Variants in IFT172 observed in about 807,000 individuals in gnomAD.
IFT172 encodes intraflagellar transport protein 172 homolog.
In IFT172, 164 loss-of-function variants were observed where a neutral mutation model predicts 248.9. The ratio of observed to expected loss-of-function variants is 0.66; its 90% CI spans 0.58 to 0.75. IFT172 has a LOEUF of 0.75. IFT172 is among the 30% of genes least tolerant of loss of function. The probability of loss-of-function intolerance (pLI) is 0.00; values close to 1 mark genes in which losing one functional copy is unlikely to be tolerated. For synonymous variants in IFT172, 729 were observed against 791.6 expected (o/e 0.92, Z 1.33); for missense variants, 1,950 against 2,192.4 (o/e 0.89, Z 2.21).
chr2:27,451,336 G>T (rs1463726971), intron 35 of IFT172, among the ~76,000 whole-genome samples: 1 of 152,216 alleles, frequency 6.6e-6, no homozygotes, highest in South Asian at 2.1e-4. Flanking sequence ...GTACAGTCAT[G>T]CCATGCTCCC....
chr2:27,459,841 A>C lies in IFT172; in HGVS notation c.2522-12T>G. 1 of 1,609,160 alleles carries C rather than the reference A, an allele frequency of 6.2e-7. No individual in the cohort carries two copies. The highest frequency in any genetic ancestry group is 8.5e-7 in the Non-Finnish European group (1 of 1,179,952). ...AGCCAGCTCTACCGCTGCCAGGGAG[A>C]GAAAAGATGCTCAGCCCAGATTTCC... On this transcript the variant is annotated splice_polypyrimidine_tract_variant and intron_variant, in intron 23 of 47. Coordinates refer to ENST00000260570, the MANE Select transcript of IFT172 (RefSeq NM_015662.3).
chr2:27,453,949 C>T (rs756197187), intron 33 of IFT172, 33 bp downstream of exon 33: 38 of 1,582,474 alleles, frequency 2.4e-5, no homozygotes, highest in Admixed American at 5.9e-5. Flanking sequence ...AAACTCTCCC[C>T]CTCCCCTCAT....
At chr2:27,451,502 G>A (rs747954447) in intron 35 of IFT172, among the ~76,000 whole-genome samples, 2 of 152,154 alleles carry the variant, frequency 1.3e-5, no homozygotes, top group African/African-American at 2.4e-5. Flanking sequence ...GGTGGCTCAC[G>A]CCTGTAATCC....
chr2:27,449,371 C>T lies in IFT172; in HGVS notation c.4234G>A (p.Val1412Met). ...NQGKVDSLVG[V>M]DVIAALDLYV... The stretch of plus-strand genomic sequence containing the variant: ...AGGTCCAAAGCAGCTATCACATCCA[C>T]ACCCACCAGCTGGGTCAATGGAAGA... The change falls in exon 39 of 48, where the codon GTG (valine) becomes ATG (methionine). Residue 1412 changes from valine (V) to methionine (M), a missense_variant. Physicochemically the swap from Val to Met is conservative, Grantham distance 21. Around this residue, in one of 3 missense-constraint regions of IFT172, gnomAD observed 620 missense variants for 699.0 expected, o/e 0.89. Coordinates refer to ENST00000260570, the MANE Select transcript of IFT172 (RefSeq NM_015662.3). The T allele has an allele frequency of 6.2e-7, 1 of 1,614,184 alleles. No homozygotes were observed.
intron 1 of IFT172, among the ~76,000 whole-genome samples, chr2:27,487,008 T>C (rs1270322393): frequency 6.6e-6 from 1 of 151,988 alleles, no homozygotes; most frequent in African/African-American, 2.4e-5. Flanking sequence ...AGTGTCACAA[T>C]CTCAGTTCAC....
chr2:27,453,431 C>CT lies in IFT172; in HGVS notation c.3903dup (p.Val1302SerfsTer19). The stretch of plus-strand genomic sequence containing the variant: ...AGGCCGCTGTTTCCAGAGTCTCGCA[C>CT]TTTGAGGTAGCAGTCCACGGCACGG... On this transcript the variant is annotated frameshift_variant, in exon 35 of 48. Transcript: ENST00000260570. LOFTEE classifies it high-confidence loss of function. 6.2e-7 allele frequency: 1 copy of CT among 1,614,220 alleles called. No homozygotes were observed. The highest frequency in any genetic ancestry group is 8.5e-7 in the Non-Finnish European group (1 of 1,180,036).
chr2:27,445,424 T>C lies in IFT172; in HGVS notation c.4940A>G (p.Asp1647Gly). 3.7e-6 allele frequency: 6 copies of C among 1,611,742 alleles called. No individual in the cohort carries two copies. Among genetic ancestry groups the C allele is most frequent in the Non-Finnish European group, 5.1e-6 (6 of 1,179,094 alleles). ...GTCCATGGAGACTGTAAGCACCCAGTCTCGAACCTCTTCTCTCTCAGCCTC... is the reference window on the plus strand; with the variant it reads ...GTCCATGGAGACTGTAAGCACCCAGCCTCGAACCTCTTCTCTCTCAGCCTC... Reference protein sequence around the residue: ...VPEAEREEVRDWVLTVSMDQR... With the variant: ...VPEAEREEVRGWVLTVSMDQR... Residue 1647 changes from aspartate (D) to glycine (G), a missense_variant, in exon 46 of 48, where the codon GAC becomes GGC. Physicochemically the swap from Asp to Gly is moderately conservative, Grantham distance 94. Coordinates refer to ENST00000260570, the MANE Select transcript of IFT172 (RefSeq NM_015662.3). This position sits in a 1 kb window ranked among gnomAD's most constrained non-coding sequence, Gnocchi z 4.4.
rs777376204 is a variant in IFT172, at chr2:27,445,690, C to T, written c.4914+55G>A. 3.8e-5 allele frequency: 60 copies of T among 1,589,864 alleles called. No homozygotes were observed. Among genetic ancestry groups the T allele is most frequent in the Non-Finnish European group, 4.9e-5 (57 of 1,159,102 alleles). Reference sequence around the variant, plus strand: ...ATGGCAGCACAAAGATATTCTCCCTCCTCAAGGCACTCACACTGGTGAGGC... The same window carrying T: ...ATGGCAGCACAAAGATATTCTCCCTTCTCAAGGCACTCACACTGGTGAGGC... On this transcript the variant is annotated intron_variant, in intron 45 of 47. Coordinates refer to ENST00000260570, the MANE Select transcript of IFT172 (RefSeq NM_015662.3). The surrounding 1 kb of genome is among the most constrained non-coding windows in gnomAD (Gnocchi z 4.4).
At chr2:27,476,417 G>A (rs1667956048) in intron 14 of IFT172, among the ~76,000 whole-genome samples, 1 of 152,164 alleles carries the variant, frequency 6.6e-6, no homozygotes, top group South Asian at 2.1e-4. Context: ...ACAAGCATGA[G>A]TAACTGTGCC....
rs756783233 is a variant in IFT172, at chr2:27,453,343, C to T, written c.3951+41G>A. ...AAGCAGAGCCAAGTGTGAATAGAGG[C>T]CTAGGGAGAAGGAGGGCCAGAAAGG... On this transcript the variant is annotated intron_variant, in intron 35 of 47. Coordinates refer to ENST00000260570, the MANE Select transcript of IFT172 (RefSeq NM_015662.3). 7.4e-6 allele frequency: 12 copies of T among 1,613,032 alleles called. No homozygotes were observed. The African/African-American group carries it at 1.1e-4, about 14-fold the overall frequency.
chr2:27,489,600 C>T lies in IFT172; in HGVS notation c.39+15G>A, dbSNP rs1384351607. The T allele has an allele frequency of 1.9e-6, 3 of 1,604,196 alleles. No individual in the cohort carries two copies. The highest frequency in any genetic ancestry group is 1.7e-5 in the Admixed American group (1 of 59,826). ...ATAAAGCATAAGGGGGAGGGACTGG[C>T]ACGCAATTCCTCACCTGAGGGCTCA... On this transcript the variant is annotated intron_variant, in intron 1 of 47. Coordinates refer to ENST00000260570, the MANE Select transcript of IFT172 (RefSeq NM_015662.3).
intron 30 of IFT172, among the ~76,000 whole-genome samples, chr2:27,456,048 C>A (rs979942571): frequency 1.3e-5 from 2 of 151,870 alleles, no homozygotes; most frequent in Admixed American, 1.3e-4. Flanking sequence ...CCCATCCCTA[C>A]TAAAAATACA....
chr2:27,457,379 G>A (rs1192124645), intron 29 of IFT172, among the ~76,000 whole-genome samples: 2 of 152,104 alleles, frequency 1.3e-5, no homozygotes, highest in Non-Finnish European at 2.9e-5. Flanking sequence ...AGACCAGCTT[G>A]GGCAACATGG....
intron 1 of IFT172, among the ~76,000 whole-genome samples, chr2:27,486,811 A>G (rs1353454019): frequency 1.3e-5 from 2 of 152,128 alleles, no homozygotes; most frequent in African/African-American, 4.8e-5. Context: ...TTCATTTCCA[A>G]TTTTTCCATT....
chr2:27,468,971 C>T (rs899243256), intron 16 of IFT172, among the ~76,000 whole-genome samples: 2 of 151,898 alleles, frequency 1.3e-5, no homozygotes, highest in Non-Finnish European at 2.9e-5. Flanking sequence ...ACAACATTTA[C>T]AAATTAAGAA....
At chr2:27,451,284 C>T (rs991669441) in intron 35 of IFT172, among the ~76,000 whole-genome samples, 1 of 152,182 alleles carries the variant, frequency 6.6e-6, no homozygotes, top group Non-Finnish European at 1.5e-5. Context: ...TTAATCTGCC[C>T]TGTCTGCATC....
chr2:27,449,369 C>T lies in IFT172; in HGVS notation c.4236G>A (p.Val1412=). 6 of 1,614,178 alleles carry T rather than the reference C, an allele frequency of 3.7e-6. No individual in the cohort carries two copies. The highest frequency in any genetic ancestry group is 5.1e-6 in the Non-Finnish European group (6 of 1,180,034). ...NQGKVDSLVG[V]DVIAALDLYV... Reference sequence around the variant, plus strand: ...ACAGGTCCAAAGCAGCTATCACATCCACACCCACCAGCTGGGTCAATGGAA... The same window carrying T: ...ACAGGTCCAAAGCAGCTATCACATCTACACCCACCAGCTGGGTCAATGGAA... Residue 1412 remains valine (V), a synonymous_variant, in exon 39 of 48, where the codon GTG becomes GTA. Coordinates refer to ENST00000260570, the MANE Select transcript of IFT172 (RefSeq NM_015662.3).
intron 19 of IFT172, 75 bp from the exon 20 acceptor site, chr2:27,462,868 C>T: frequency 7.0e-7 from 1 of 1,423,718 alleles, no homozygotes; most frequent in Non-Finnish European, 9.9e-7. Context: ...AATTGGAAGG[C>T]CAGAAGGATG....
chr2:27,468,151 C>T (rs1667256305), intron 16 of IFT172, among the ~76,000 whole-genome samples: 1 of 118,158 alleles, frequency 8.5e-6, no homozygotes, highest in Non-Finnish European at 1.6e-5. Flanking sequence ...CAGAGCAAGA[C>T]TCTGTCTCAA....
Sources: gnomAD v4.1 joint callset for allele counts (sites outside exome capture counted in the v4.1 genomes callset) on GRCh38, gnomAD v4.1.1 for gene constraint, gnomAD v4.1.1 regional missense constraint, Gnocchi (gnomAD v3.1) non-coding constraint, MANE v1.5 for transcripts, NCBI Gene and HGNC (gene_info 2026-07-23, HGNC 2026-07-21) for gene names.